ATP6V1H: variants seen among roughly 807,000 people sequenced by gnomAD.
ATP6V1H encodes the protein ATPase H+ transporting V1 subunit H.
In ATP6V1H, 39 loss-of-function variants were observed where a neutral mutation model predicts 71.7. The observed-to-expected ratio is 0.54, with a 90% CI of 0.42 to 0.71. The LOEUF (loss-of-function observed/expected upper bound fraction) is 0.71, where lower values mean the gene tolerates loss of function less well. Ranked by LOEUF, ATP6V1H falls within the 30% of genes least tolerant of loss-of-function variation. The pLI is 0.00. For synonymous variants in ATP6V1H, 192 were observed against 199.3 expected, an observed-to-expected ratio of 0.96 and a Z score of 0.31; for missense variants, 509 against 594.9, an observed-to-expected ratio of 0.86 and a Z score of 1.50.
intron 9 of ATP6V1H, among the ~76,000 whole-genome samples, chr8:53,791,291 G>A (rs1809557102): frequency 6.6e-6 from 1 of 152,200 alleles, no homozygotes; most frequent in South Asian, 2.1e-4. Context: ...ATTAGAAGGT[G>A]CCATGCTTCA....
chr8:53,821,068 GA>G (rs35308799), intron 4 of ATP6V1H, among the ~76,000 whole-genome samples: 17,848 of 122,970 alleles, frequency 0.15, 1,650 homozygotes, highest in East Asian at 0.47. Context: ...CATCTCACCA[GA>G]AAAAAAAAAA....
At chr8:53,809,438 A>C (rs1585811727) in intron 7 of ATP6V1H, among the ~76,000 whole-genome samples, 1 of 152,208 alleles carries the variant, frequency 6.6e-6, no homozygotes, top group East Asian at 1.9e-4. Context: ...GAGTCCAAAA[A>C]TATGTTCAGG....
intron 11 of ATP6V1H, among the ~76,000 whole-genome samples, chr8:53,767,175 G>A (rs573280328): frequency 4.6e-5 from 7 of 152,194 alleles, no homozygotes; most frequent in South Asian, 2.1e-4. Flanking sequence ...CGTGATTTTC[G>A]GGGCAGGTTC....
rs556348770 is a variant in ATP6V1H at position 53,804,107 on chromosome 8, A to G, written c.580-2211T>C. ...AAAAAGTGCTGGTCCTAAATCTGAC[A>G]TACTCTCTCCTATTGCACACTATCA... On this transcript the variant is annotated intron_variant, in intron 7 of 13. Transcript: ENST00000359530. Among the ~76,000 whole-genome samples, 10 of 152,368 alleles carry G rather than the reference A, an allele frequency of 6.6e-5. No homozygotes were observed. In the South Asian group the frequency reaches 2.1e-3, roughly 32 times the overall value.
intron 13 of ATP6V1H, among the ~76,000 whole-genome samples, chr8:53,730,215 T>C (rs1341396837): frequency 6.6e-6 from 1 of 152,234 alleles, no homozygotes; most frequent in African/African-American, 2.4e-5. Context: ...TTAACTTAGA[T>C]TCTGTGAGCC....
intron 4 of ATP6V1H, among the ~76,000 whole-genome samples, chr8:53,819,362 T>A (rs1027701082): frequency 6.6e-6 from 1 of 151,118 alleles, no homozygotes; most frequent in Non-Finnish European, 1.5e-5. Flanking sequence ...TGAAACCCCA[T>A]CTCTACTGAA....
chr8:53,815,702 A>T (rs1392182621), intron 5 of ATP6V1H, among the ~76,000 whole-genome samples: 1 of 152,218 alleles, frequency 6.6e-6, no homozygotes, highest in African/African-American at 2.4e-5. Context: ...TACATTATCT[A>T]GTTTAAACTC....
chr8:53,747,088 ATT>A (rs1807628273), intron 12 of ATP6V1H, among the ~76,000 whole-genome samples: 1 of 152,184 alleles, frequency 6.6e-6, no homozygotes, highest in African/African-American at 2.4e-5. Flanking sequence ...ATACAGAACT[ATT>A]TTTGTTTGTT....
chr8:53,819,645 T>TATATGTATATACGTATATACATATATAC (rs1258388353), intron 4 of ATP6V1H, among the ~76,000 whole-genome samples: 32 of 98,096 alleles, frequency 3.3e-4, no homozygotes, highest in East Asian at 1.2e-3. Context: ...TACAAATGTA[T>TATATGTATATACGTATATACATATATAC]ATATGTATAT....
chr8:53,778,681 A>G (rs1808981369), intron 9 of ATP6V1H, among the ~76,000 whole-genome samples: 1 of 152,202 alleles, frequency 6.6e-6, no homozygotes, highest in Non-Finnish European at 1.5e-5. Context: ...AGATAAGCAA[A>G]CAGAAAACAA....
chr8:53,755,687 TA>T lies in ATP6V1H; in HGVS notation c.1277+867del, dbSNP rs1807991473. On this transcript the variant is annotated intron_variant, in intron 12 of 13. Transcript: ENST00000359530. ...CACAGTAGTATTATACCAGCGTACA[TA>T]TATATATATATATATATATATATAT... 4.0e-3 allele frequency among the ~76,000 whole-genome samples: 12 copies of T among 3,020 alleles called. 1 individual carries two copies. The highest frequency in any genetic ancestry group is 8.8e-3 in the Non-Finnish European group (5 of 566). The allele number at this position is 3,020 out of a possible 152,430, so 2.0% of individuals were successfully genotyped here.
intron 9 of ATP6V1H, among the ~76,000 whole-genome samples, chr8:53,788,056 A>G (rs2130387595): frequency 6.6e-6 from 1 of 152,330 alleles, no homozygotes; most frequent in Non-Finnish European, 1.5e-5. Context: ...TTTAAAAATC[A>G]TCATTGTTAA....
chr8:53,816,694 G>A (rs532494547), intron 5 of ATP6V1H, among the ~76,000 whole-genome samples: 4 of 152,202 alleles, frequency 2.6e-5, no homozygotes, highest in Admixed American at 1.3e-4. Context: ...TACTCAGGAG[G>A]CTGAGGCAGG....
intron 11 of ATP6V1H, among the ~76,000 whole-genome samples, chr8:53,757,795 C>T (rs1370731191): frequency 6.6e-6 from 1 of 152,186 alleles, no homozygotes; most frequent in African/African-American, 2.4e-5. Context: ...CTCTCCTACT[C>T]CACTGTTCTT....
At chr8:53,769,592 A>T in intron 11 of ATP6V1H, 26 bp downstream of exon 11, 1 of 1,599,222 alleles carries the variant, frequency 6.3e-7, no homozygotes, top group Non-Finnish European at 8.5e-7. Context: ...AGATATTAAG[A>T]GTGTAAAGTA....
At chr8:53,812,580 G>A (rs1272663467) in intron 6 of ATP6V1H, among the ~76,000 whole-genome samples, 1 of 152,176 alleles carries the variant, frequency 6.6e-6, no homozygotes. Context: ...CTAGTAGCAC[G>A]CCACGGCATC....
intron 6 of ATP6V1H, among the ~76,000 whole-genome samples, chr8:53,812,351 A>G (rs527627079): frequency 1.3e-5 from 2 of 152,368 alleles, no homozygotes; most frequent in South Asian, 4.1e-4. Flanking sequence ...GATGCAGAAA[A>G]TACTTGAAGA....
At chr8:53,749,743 TAAA>T (rs200663259) in intron 12 of ATP6V1H, among the ~76,000 whole-genome samples, 3 of 137,730 alleles carry the variant, frequency 2.2e-5, no homozygotes, top group Non-Finnish European at 3.2e-5. Context: ...CAGACTCCTT[TAAA>T]AAAAAAAAAA....
intron 12 of ATP6V1H, among the ~76,000 whole-genome samples, chr8:53,752,732 G>A (rs1348804760): frequency 6.6e-6 from 1 of 151,988 alleles, no homozygotes; most frequent in African/African-American, 2.4e-5. Context: ...TCTATTTTTA[G>A]TAGAGACGGG....
Sources: gnomAD v4.1 joint callset for allele counts (sites outside exome capture counted in the v4.1 genomes callset) on GRCh38, gnomAD v4.1.1 for gene constraint, MANE v1.5 for transcripts, NCBI Gene and HGNC (gene_info 2026-07-23, HGNC 2026-07-21) for gene names.